The following CD2AP variants were observed in gnomAD, a reference collection of about 807,000 sequenced individuals.
The protein encoded by CD2AP is CD2-associated protein.
Under a neutral mutation model 85.1 loss-of-function variants are expected in CD2AP, and 46 were observed. The ratio of observed to expected loss-of-function variants is 0.54; its 90% CI spans 0.43 to 0.69. The LOEUF (loss-of-function observed/expected upper bound fraction) is 0.69, where lower values mean the gene tolerates loss of function less well. CD2AP is among the 30% of genes least tolerant of loss of function. The probability of loss-of-function intolerance (pLI) is 0.00; values close to 1 mark genes in which losing one functional copy is unlikely to be tolerated. For synonymous variants in CD2AP, 255 were observed against 252.9 expected (o/e 1.01, Z -0.08); for missense variants, 769 against 729.5 (o/e 1.05, Z -0.62).
At chr6:47,555,244 ATTC>A (rs1213347702) in intron 5 of CD2AP, among the ~76,000 whole-genome samples, 2 of 152,216 alleles carry the variant, frequency 1.3e-5, no homozygotes, top group East Asian at 3.8e-4. Context: ...TCACCCACAA[ATTC>A]TTCTTAATTT....
chr6:47,579,467 A>G lies in CD2AP; in HGVS notation c.986A>G (p.Asn329Ser). 2 of 1,605,294 alleles carry G rather than the reference A, an allele frequency of 1.2e-6. No homozygotes were observed. The highest frequency in any genetic ancestry group is 1.7e-6 in the Non-Finnish European group (2 of 1,171,912). The change falls in exon 9 of 18, where the codon AAT (asparagine) becomes AGT (serine). Residue 329 changes from asparagine to serine, a missense_variant. Transcript: ENST00000359314. ...VFPDNFAVQI[N>S]ELDKDFPKPK... ...CCAGACAATTTTGCTGTCCAGATAA[A>G]TGAACTTGATAAAGACTTTCCAGTA... is the stretch of plus-strand genomic sequence containing the variant.
At chr6:47,593,440 GAT>G (rs1768855651) in intron 11 of CD2AP, among the ~76,000 whole-genome samples, 1 of 152,002 alleles carries the variant, frequency 6.6e-6, no homozygotes, top group African/African-American at 2.4e-5. Context: ...ATCTAAAGGA[GAT>G]ATATAAGTTT....
chr6:47,478,408 C>T (rs1463905247), intron 1 of CD2AP, among the ~76,000 whole-genome samples, 160 bp downstream of exon 1: 1 of 152,192 alleles, frequency 6.6e-6, no homozygotes, highest in Admixed American at 6.5e-5. Flanking sequence ...CCCTGCCTTC[C>T]ACCTTGCTCT....
intron 5 of CD2AP, among the ~76,000 whole-genome samples, chr6:47,566,712 G>A (rs563830042): frequency 6.6e-6 from 1 of 152,236 alleles, no homozygotes; most frequent in African/African-American, 2.4e-5. Context: ...AGAACATGCA[G>A]TGTTTGGTTT....
intron 13 of CD2AP, among the ~76,000 whole-genome samples, chr6:47,602,665 G>GAGAC (rs1230316634): frequency 6.6e-6 from 1 of 151,482 alleles, no homozygotes; most frequent in Non-Finnish European, 1.5e-5. Context: ...CCAGGAGTTA[G>GAGAC]AGACTAGCCT....
At chr6:47,534,660 C>A (rs1454775819) in intron 3 of CD2AP, among the ~76,000 whole-genome samples, 1 of 152,114 alleles carries the variant, frequency 6.6e-6, no homozygotes, top group African/African-American at 2.4e-5. Flanking sequence ...CCATTGCACT[C>A]CAGTCTCTGC....
chr6:47,609,369 C>A, intron 16 of CD2AP, 65 bp downstream of exon 16: 1 of 1,300,664 alleles, frequency 7.7e-7, no homozygotes, highest in Non-Finnish European at 1.1e-6. Flanking sequence ...TTTTTTCAAA[C>A]CATATTAAGT....
chr6:47,532,990 C>T (rs904011828), intron 2 of CD2AP, among the ~76,000 whole-genome samples: 3 of 152,102 alleles, frequency 2.0e-5, no homozygotes, highest in Non-Finnish European at 4.4e-5. Flanking sequence ...ATCAAACTAC[C>T]AGCCCACAGG....
At chr6:47,543,095 G>A (rs558395331) in intron 3 of CD2AP, among the ~76,000 whole-genome samples, 31 of 138,640 alleles carry the variant, frequency 2.2e-4, no homozygotes, top group African/African-American at 7.7e-4. Flanking sequence ...AGGTTGCAGC[G>A]AGCTGAGATT....
chr6:47,493,686 T>C lies in CD2AP; in HGVS notation c.5-9594T>C, dbSNP rs1582473141. Among the ~76,000 whole-genome samples, 6 of 152,268 alleles carry C rather than the reference T, an allele frequency of 3.9e-5. No individual in the cohort carries two copies. In the South Asian group the frequency reaches 8.3e-4, roughly 21 times the overall value. On this transcript the variant is annotated intron_variant, in intron 1 of 17. Coordinates refer to ENST00000359314, the MANE Select transcript of CD2AP (RefSeq NM_012120.3). ...CCCATCTTCTGGAATTCCAATTACG[T>C]GTGTTTATACCTCTTGAAGTTTTTC... is the stretch of plus-strand genomic sequence containing the variant.
Position 47,609,320 on chromosome 6 carries a change from T to G in CD2AP, c.1814+16T>G. ...AGGATCACGGGTAAGTAGCCCTTCTTTTCTCCTGTGAGTACTACTTAACCC... is the reference window on the plus strand; with the variant it reads ...AGGATCACGGGTAAGTAGCCCTTCTGTTCTCCTGTGAGTACTACTTAACCC... On this transcript the variant is annotated intron_variant, in intron 16 of 17. Transcript: ENST00000359314. The G allele has an allele frequency of 6.3e-7, 1 of 1,595,772 alleles. No homozygotes were observed. Among genetic ancestry groups the G allele is most frequent in the Non-Finnish European group, 8.6e-7 (1 of 1,163,824 alleles).
At chr6:47,535,523 TA>T (rs1767015394) in intron 3 of CD2AP, among the ~76,000 whole-genome samples, 1 of 152,206 alleles carries the variant, frequency 6.6e-6, no homozygotes, top group Admixed American at 6.5e-5. Flanking sequence ...TTTCATAAAA[TA>T]AAAACAGGTT....
chr6:47,568,676 G>A (rs889966725), intron 5 of CD2AP, among the ~76,000 whole-genome samples: 78 of 152,210 alleles, frequency 5.1e-4, no homozygotes, highest in African/African-American at 1.7e-3. Context: ...CCTGGGAGGC[G>A]GAGGTTGCAG....
intron 11 of CD2AP, among the ~76,000 whole-genome samples, chr6:47,586,456 G>GT (rs1768633764): frequency 6.6e-6 from 1 of 152,152 alleles, no homozygotes; most frequent in African/African-American, 2.4e-5. Context: ...TAATGGAAAG[G>GT]TGAGAGAATG....
intron 16 of CD2AP, among the ~76,000 whole-genome samples, chr6:47,610,858 T>C (rs986409089): frequency 6.6e-6 from 1 of 150,536 alleles, no homozygotes; most frequent in Non-Finnish European, 1.5e-5. Flanking sequence ...TTTTGTTGTT[T>C]TACATTTTTT....
At chr6:47,509,060 T>TC (rs1276464334) in intron 2 of CD2AP, among the ~76,000 whole-genome samples, 1 of 152,228 alleles carries the variant, frequency 6.6e-6, no homozygotes, top group Non-Finnish European at 1.5e-5. Context: ...GTGTGATTCT[T>TC]CCTTTCACTT....
intron 3 of CD2AP, among the ~76,000 whole-genome samples, chr6:47,538,395 C>T (rs1767110603): frequency 6.6e-6 from 1 of 152,070 alleles, no homozygotes; most frequent in Non-Finnish European, 1.5e-5. Context: ...GCGTGCACCA[C>T]CATGCCTGGC....
intron 17 of CD2AP, 45 bp downstream of exon 17, chr6:47,612,581 G>T: frequency 7.2e-7 from 1 of 1,391,626 alleles, no homozygotes; most frequent in East Asian, 2.3e-5. Context: ...AGCATAAACT[G>T]GACATGTTTT....
rs2114169310 is a variant in CD2AP at position 47,624,487 on chromosome 6, T to C, written c.*260T>C. The C allele has an allele frequency of 2.3e-6, 1 of 433,938 alleles. No homozygotes were observed. Among genetic ancestry groups the C allele is most frequent in the East Asian group, 3.9e-5 (1 of 25,534 alleles). The allele number at this position is 433,938 out of a possible 1,614,324, so 26.9% of individuals were successfully genotyped here. ...TAAAAAATTGTTTGCTTGAAAATAC[T>C]ACTGAATATAAATAAGAATGTGCAC... On this transcript the variant is annotated 3_prime_UTR_variant, in exon 18 of 18. Transcript: ENST00000359314.
Sources: allele counts gnomAD v4.1 joint callset (sites outside exome capture counted in the v4.1 genomes callset), GRCh38; gene constraint gnomAD v4.1.1; transcripts MANE v1.5; gene names NCBI Gene and HGNC (gene_info 2026-07-23, HGNC 2026-07-21).